BCKDHB: variants seen among roughly 807,000 people sequenced by gnomAD.
BCKDHB encodes branched chain keto acid dehydrogenase E1 subunit beta, also known as 2-oxoisovalerate dehydrogenase subunit beta, mitochondrial.
BCKDHB carries 41 observed loss-of-function variants against 48.5 expected under a neutral mutation model. That is an observed-to-expected ratio of 0.85 (90% confidence interval 0.66 to 1.10). The LOEUF (loss-of-function observed/expected upper bound fraction) is 1.10. Among genes scored for constraint, BCKDHB ranks in the 50% least tolerant of loss-of-function variants. The probability of loss-of-function intolerance (pLI) is 0.00; values close to 1 mark genes in which losing one functional copy is unlikely to be tolerated. For missense variants in BCKDHB, 496 were observed against 494.2 expected, an observed-to-expected ratio of 1.00 and a Z score of -0.03; for synonymous variants, 201 against 174.8, an observed-to-expected ratio of 1.15 and a Z score of -1.18.
chr6:80,107,919 T>G (rs2127701843), intron 1 of BCKDHB, among the ~76,000 whole-genome samples: 1 of 152,238 alleles, frequency 6.6e-6, no homozygotes, highest in South Asian at 2.1e-4. Flanking sequence ...ATGTATTGCT[T>G]CCTTGTCTAA....
At chr6:80,227,843 G>A (rs1459640773) in intron 8 of BCKDHB, among the ~76,000 whole-genome samples, 6 of 152,120 alleles carry the variant, frequency 3.9e-5, no homozygotes, top group Non-Finnish European at 7.4e-5. Flanking sequence ...GTAATTCTGT[G>A]ACTCATTTTA....
At chr6:80,411,197 G>A in the BCKDHB span, among the ~76,000 whole-genome samples, 2 of 152,068 alleles carry the variant, frequency 1.3e-5, no homozygotes, top group Non-Finnish European at 2.9e-5. Flanking sequence ...CTTCTAACAG[G>A]CCCCTCAGCT....
Position 80,243,962 on chromosome 6 carries a change from G to C in BCKDHB, c.952-29173G>C, listed in dbSNP as rs904649706. Among the ~76,000 whole-genome samples the C allele has an allele frequency of 7.0e-4, 107 of 152,310 alleles. 1 individual carries two copies. The highest frequency in any genetic ancestry group is 2.5e-3 in the African/African-American group (104 of 41,574). ...TAATTTATCTAAAGATGAATCAACA[G>C]CTCACTTACCTTTTTATTTCAGTAA... is the stretch of plus-strand genomic sequence containing the variant. On this transcript the variant is annotated intron_variant, in intron 8 of 9. Transcript: ENST00000320393.
chr6:80,437,063 T>C, the BCKDHB span, among the ~76,000 whole-genome samples: 4 of 152,332 alleles, frequency 2.6e-5, no homozygotes, highest in Non-Finnish European at 4.4e-5. Context: ...TTAGGCATTA[T>C]TTTAATTAAC....
the BCKDHB span, among the ~76,000 whole-genome samples, chr6:80,412,264 C>G: frequency 7.2e-5 from 11 of 151,778 alleles, no homozygotes; most frequent in African/African-American, 2.7e-4. Flanking sequence ...CTGCCTCAGC[C>G]TCTTGAGTAG....
rs201475117 is a variant in BCKDHB, at chr6:80,196,608, A to G, written c.743-4326A>G. ...TGCATATATTGAGTATGCAGCAACT[A>G]TTCAATGAAAAATGTATATTAAACT... is the stretch of plus-strand genomic sequence containing the variant. On this transcript the variant is annotated intron_variant, in intron 6 of 9. Transcript: ENST00000320393. Among the ~76,000 whole-genome samples the G allele has an allele frequency of 1.1e-4, 16 of 152,334 alleles. No homozygotes were observed. In the East Asian group the frequency reaches 1.7e-3, roughly 16 times the overall value.
chr6:80,367,322 C>T, the BCKDHB span, among the ~76,000 whole-genome samples: 1 of 152,022 alleles, frequency 6.6e-6, no homozygotes, highest in South Asian at 2.1e-4. Context: ...TCATATTGTA[C>T]AATGCCAATT....
At chr6:80,124,534 A>G (rs1770232551) in intron 1 of BCKDHB, among the ~76,000 whole-genome samples, 1 of 152,080 alleles carries the variant, frequency 6.6e-6, no homozygotes, top group Non-Finnish European at 1.5e-5. Context: ...GTCTCTTTGT[A>G]GGTCTCTAAG....
rs565355771 is a variant in BCKDHB at position 80,126,204 on chromosome 6, A to G, written c.197-1343A>G. ...GGGCAGAGGACGTATCTGACTGGGG[A>G]TTGCCAAGACCTGAACCCTGGGCAT... On this transcript the variant is annotated intron_variant, in intron 1 of 9. Transcript: ENST00000320393. Among the ~76,000 whole-genome samples the G allele has an allele frequency of 5.6e-4, 85 of 152,294 alleles. 1 individual carries two copies. Among genetic ancestry groups the G allele is most frequent in the African/African-American group, 1.9e-3 (81 of 41,572 alleles).
At chr6:80,364,137 ATGTG>A in the BCKDHB span, among the ~76,000 whole-genome samples, 1 of 152,224 alleles carries the variant, frequency 6.6e-6, no homozygotes, top group Non-Finnish European at 1.5e-5. Context: ...TTTTAAATTC[ATGTG>A]TGTATGAATC....
At chr6:80,281,655 A>G (rs2127975422) in intron 9 of BCKDHB, among the ~76,000 whole-genome samples, 1 of 152,288 alleles carries the variant, frequency 6.6e-6, no homozygotes, top group African/African-American at 2.4e-5. Flanking sequence ...TGATCTCTTA[A>G]TGCTATTCAC....
chr6:80,149,812 ACT>A (rs931881555), intron 3 of BCKDHB, among the ~76,000 whole-genome samples: 1 of 119,102 alleles, frequency 8.4e-6, no homozygotes, highest in African/African-American at 3.2e-5. Flanking sequence ...GGAACATTAC[ACT>A]CTGGGGACTG....
intron 6 of BCKDHB, among the ~76,000 whole-genome samples, chr6:80,177,229 A>AAAG: frequency 2.9e-5 from 1 of 34,232 alleles, no homozygotes; most frequent in African/African-American, 1.1e-4. Flanking sequence ...TTGTCTCAAA[A>AAAG]AAAAAAAAAA....
At chr6:80,230,026 G>GTTGT (rs1775847052) in intron 8 of BCKDHB, among the ~76,000 whole-genome samples, 2 of 60,646 alleles carry the variant, frequency 3.3e-5, no homozygotes, top group African/African-American at 1.4e-4. Flanking sequence ...TTTTTAGGTT[G>GTTGT]TTTTTTTTTT....
intron 9 of BCKDHB, among the ~76,000 whole-genome samples, chr6:80,299,657 A>G (rs1026312193): frequency 6.6e-6 from 1 of 152,212 alleles, no homozygotes; most frequent in East Asian, 1.9e-4. Flanking sequence ...CAGACAAGCA[A>G]TTGTTGAGGG....
chr6:80,161,329 C>T lies in BCKDHB; in HGVS notation c.344-6349C>T, dbSNP rs149319487. Reference sequence around the variant, plus strand: ...GAGCTAAGCTGTGTGAAATTATTATCTTATGACATACACACTATTTAATAT... The same window carrying T: ...GAGCTAAGCTGTGTGAAATTATTATTTTATGACATACACACTATTTAATAT... On this transcript the variant is annotated intron_variant, in intron 3 of 9. Transcript: ENST00000320393. 1.7e-3 allele frequency among the ~76,000 whole-genome samples: 264 copies of T among 152,074 alleles called. 1 individual carries two copies. Among genetic ancestry groups the T allele is most frequent in the African/African-American group, 6.0e-3 (250 of 41,456 alleles).
the BCKDHB span, among the ~76,000 whole-genome samples, chr6:80,367,997 G>A: frequency 1.3e-5 from 2 of 152,222 alleles, no homozygotes; most frequent in East Asian, 1.9e-4. Context: ...GAGTGACGCT[G>A]TGTGAGATTG....
At chr6:80,144,680 C>G (rs1582226815) in intron 3 of BCKDHB, among the ~76,000 whole-genome samples, 1 of 152,252 alleles carries the variant, frequency 6.6e-6, no homozygotes, top group East Asian at 1.9e-4. Flanking sequence ...ACGCTCATTT[C>G]TAGCTCACCC....
the BCKDHB span, among the ~76,000 whole-genome samples, chr6:80,412,725 C>T: frequency 6.6e-6 from 1 of 152,132 alleles, no homozygotes; most frequent in Non-Finnish European, 1.5e-5. Context: ...TGACCAACTC[C>T]TTCAGCTTTT....
Sources: allele counts gnomAD v4.1 joint callset (sites outside exome capture counted in the v4.1 genomes callset), GRCh38; gene constraint gnomAD v4.1.1; transcripts MANE v1.5; gene names NCBI Gene and HGNC (gene_info 2026-07-23, HGNC 2026-07-21).